The following MDGA1 variants were observed in gnomAD, a reference collection of about 807,000 sequenced individuals.
The protein encoded by MDGA1 is MAM domain containing glycosylphosphatidylinositol anchor 1.
MDGA1 carries 54 observed loss-of-function variants against 101.5 expected under a neutral mutation model. The ratio of observed to expected loss-of-function variants is 0.53; its 90% CI spans 0.43 to 0.67. MDGA1 has a LOEUF of 0.67. Among genes scored for constraint, MDGA1 ranks in the 30% least tolerant of loss-of-function variants. The probability of loss-of-function intolerance (pLI) is 0.00; values close to 1 mark genes in which losing one functional copy is unlikely to be tolerated. For synonymous variants in MDGA1, 533 were observed against 558.3 expected, an observed-to-expected ratio of 0.95 and a Z score of 0.64; for missense variants, 1,083 against 1,323.8, an observed-to-expected ratio of 0.82 and a Z score of 2.82.
chr6:37,644,126 AC>A (rs146272501), intron 13 of MDGA1, among the ~76,000 whole-genome samples, 183 bp from the exon 14 acceptor site: 256 of 22,236 alleles, frequency 0.012, 2 homozygotes, highest in South Asian at 0.035. Context: ...ATCCTGCCTC[AC>A]CCCCACGCAT....
chr6:37,640,158 T>C (rs996664687), intron 14 of MDGA1, among the ~76,000 whole-genome samples: 3 of 151,606 alleles, frequency 2.0e-5, no homozygotes, highest in Non-Finnish European at 2.9e-5. Context: ...CTGGAGGAGG[T>C]GGTGTTTTTG....
chr6:37,664,952 C>T (rs1190389080), intron 1 of MDGA1, among the ~76,000 whole-genome samples: 1 of 136,774 alleles, frequency 7.3e-6, no homozygotes, highest in Non-Finnish European at 1.6e-5. Flanking sequence ...TTTTTCATTG[C>T]TCTCTGAGCC....
At chr6:37,665,188 A>G (rs1195260128) in intron 1 of MDGA1, among the ~76,000 whole-genome samples, 1 of 152,120 alleles carries the variant, frequency 6.6e-6, no homozygotes, top group Non-Finnish European at 1.5e-5. Context: ...ATCGTCCTAA[A>G]GGCAAACCAG....
At chr6:37,659,427 TTATTAA>T (rs562001773) in intron 2 of MDGA1, among the ~76,000 whole-genome samples, 17 of 152,208 alleles carry the variant, frequency 1.1e-4, no homozygotes, top group African/African-American at 3.4e-4. Flanking sequence ...ATTTCTATTA[TTATTAA>T]TATTGTCTTA....
rs1037676504 is a variant in MDGA1 at position 37,652,090 on chromosome 6, G to A, written c.1233C>T (p.Gly411=). 2.5e-6 allele frequency: 4 copies of A among 1,613,596 alleles called. No individual in the cohort carries two copies. The highest frequency in any genetic ancestry group is 1.3e-5 in the African/African-American group (1 of 75,072). Reference sequence around the variant, plus strand: ...GGAAAGAAGCCATGCACAGGTAGGTGCCATAGTCACTGAAGTGCAGGTCAA... The same window carrying A: ...GGAAAGAAGCCATGCACAGGTAGGTACCATAGTCACTGAAGTGCAGGTCAA... ...ELIDLHFSDY[G]TYLCMASFPG... is the part of the protein sequence containing the mutation. Residue 411 remains glycine (G), a synonymous_variant, in exon 7 of 17, where the codon GGC becomes GGT. Transcript: ENST00000434837. The surrounding 1 kb of genome is among the most constrained non-coding windows in gnomAD (Gnocchi z 4.3).
At position 37,638,601 on chromosome 6, in the gene MDGA1, C is replaced by T. The variant is rs1026135196; in HGVS notation, c.2603G>A (p.Ser868Asn). The T allele has an allele frequency of 6.2e-7, 1 of 1,614,024 alleles. No homozygotes were observed. Among genetic ancestry groups the T allele is most frequent in the African/African-American group, 1.3e-5 (1 of 75,064 alleles). ...CTGCCACACATTGCCCTTATTGCCA[C>T]TGAGAGACCAGGCGTGCGTGTCCAG... ...GALDTHAWSL[S>N]GNKGNVWQQA... The change falls in exon 15 of 17, where the codon AGT becomes AAT. Residue 868 changes from serine to asparagine, a missense_variant. Coordinates refer to ENST00000434837, the MANE Select transcript of MDGA1 (RefSeq NM_153487.4). The surrounding 1 kb of genome is among the most constrained non-coding windows in gnomAD (Gnocchi z 4.8).
At chr6:37,674,932 C>T (rs959198173) in intron 1 of MDGA1, among the ~76,000 whole-genome samples, 2 of 152,202 alleles carry the variant, frequency 1.3e-5, no homozygotes, top group Non-Finnish European at 2.9e-5. Context: ...TGGCAGGCGC[C>T]TGTAATCCCA....
chr6:37,654,658 G>A (rs1761441483), intron 5 of MDGA1, 115 bp from the exon 6 acceptor site: 2 of 1,547,854 alleles, frequency 1.3e-6, no homozygotes, highest in South Asian at 2.3e-5. Context: ...GAGATGAGAG[G>A]GGAGAAGACG....
chr6:37,652,228 C>A lies in MDGA1; in HGVS notation c.1095G>T (p.Glu365Asp). The change falls in exon 7 of 17, where the codon GAG (glutamate) becomes GAT (aspartate). Residue 365 changes from glutamate (E) to aspartate (D), a missense_variant. Physicochemically the swap from Glu to Asp is conservative, Grantham distance 45. Transcript: ENST00000434837. The surrounding 1 kb of genome is among the most constrained non-coding windows in gnomAD (Gnocchi z 4.3). ...LSCHVDAVPQEKVTYQWFKNG... is the reference protein window; with the variant it reads ...LSCHVDAVPQDKVTYQWFKNG... ...TCTTGAACCACTGGTAGGTCACCTT[C>A]TCCTGGGGCACTGCATCCACGTGGC... The A allele has an allele frequency of 6.2e-7, 1 of 1,614,046 alleles. No individual in the cohort carries two copies. Among genetic ancestry groups the A allele is most frequent in the Non-Finnish European group, 8.5e-7 (1 of 1,179,900 alleles).
At position 37,649,025 on chromosome 6, in the gene MDGA1, G is replaced by T. The variant is rs1761287366; in HGVS notation, c.1851C>A (p.Val617=). ...RDSSGSYECS[V]SNDVGSAACL... ...AGGCAGCCGAGCCCACATCGTTGGA[G>T]ACGCTGCACTCGTAGCTGCCGCTGC... is the stretch of plus-strand genomic sequence containing the variant. The change falls in exon 9 of 17, where the codon GTC becomes GTA. Residue 617 remains valine, a synonymous_variant. Transcript: ENST00000434837. The T allele has an allele frequency of 5.2e-6, 8 of 1,550,776 alleles. No homozygotes were observed. Among genetic ancestry groups the T allele is most frequent in the Non-Finnish European group, 7.0e-6 (8 of 1,148,496 alleles).
At position 37,638,674 on chromosome 6, in the gene MDGA1, T is replaced by G. The variant is rs1401707151; in HGVS notation, c.2537-7A>C. Reference sequence around the variant, plus strand: ...ACCAGGAGGTTGAGGGAGCCTGCGGTGGGTGTGAAGACAGTGGGCAGTGAG... The same window carrying G: ...ACCAGGAGGTTGAGGGAGCCTGCGGGGGGTGTGAAGACAGTGGGCAGTGAG... On this transcript the variant is annotated splice_region_variant and splice_polypyrimidine_tract_variant and intron_variant, in intron 14 of 16. Transcript: ENST00000434837. This position sits in a 1 kb window ranked among gnomAD's most constrained non-coding sequence, Gnocchi z 4.8. 6.2e-7 allele frequency: 1 copy of G among 1,610,616 alleles called. No individual in the cohort carries two copies. The highest frequency in any genetic ancestry group is 8.5e-7 in the Non-Finnish European group (1 of 1,178,432).
chr6:37,658,412 CACCG>C lies in MDGA1; in HGVS notation c.211_214del (p.Arg71GlyfsTer63). On this transcript the variant is annotated frameshift_variant, in exon 3 of 17. Transcript: ENST00000434837. LOFTEE classifies it high-confidence loss of function. ...CGAGGCGCTACCTGCCGTCTTGGTC[CACCG>C]TACCTGGGCCGCCAGGCGGGGCAGA... 6.2e-7 allele frequency: 1 copy of C among 1,607,862 alleles called. No homozygotes were observed.
chr6:37,688,448 G>A (rs1762243678), intron 1 of MDGA1, among the ~76,000 whole-genome samples: 1 of 152,172 alleles, frequency 6.6e-6, no homozygotes, highest in South Asian at 2.1e-4. Flanking sequence ...AGAGCCTGGG[G>A]TGGAATCTTC....
chr6:37,682,336 T>C (rs1308790540), intron 1 of MDGA1, among the ~76,000 whole-genome samples: 1 of 152,038 alleles, frequency 6.6e-6, no homozygotes, highest in Non-Finnish European at 1.5e-5. Flanking sequence ...AATACAAAAT[T>C]AGCTGGGCGT....
chr6:37,648,877 G>T, intron 9 of MDGA1, 105 bp downstream of exon 9: 1 of 1,439,538 alleles, frequency 6.9e-7, no homozygotes, highest in Non-Finnish European at 9.1e-7. Context: ...GGCTTCAAGG[G>T]GGCCAGCAGG....
chr6:37,676,848 G>T (rs943923484), intron 1 of MDGA1, among the ~76,000 whole-genome samples: 3 of 147,942 alleles, frequency 2.0e-5, no homozygotes, highest in African/African-American at 7.5e-5. Context: ...AGTGAGCTGA[G>T]ATTGTGCCAT....
chr6:37,690,980 T>A (rs1464945135), intron 1 of MDGA1, among the ~76,000 whole-genome samples: 2 of 152,108 alleles, frequency 1.3e-5, no homozygotes, highest in Non-Finnish European at 2.9e-5. Flanking sequence ...AATGCTCTCT[T>A]TTCCACAAGG....
Position 37,696,707 on chromosome 6 carries a change from G to A in MDGA1, c.67+38C>T. On this transcript the variant is annotated intron_variant, in intron 1 of 16. Coordinates refer to ENST00000434837, the MANE Select transcript of MDGA1 (RefSeq NM_153487.4). The surrounding 1 kb of genome is among the most constrained non-coding windows in gnomAD (Gnocchi z 5.6). The stretch of plus-strand genomic sequence containing the variant: ...TGCGCCTCTTGCAAAGTTTCCGCGC[G>A]AGGTTAAGCCAAGGTGGAGCGGGAC... 3 of 1,549,892 alleles carry A rather than the reference G, an allele frequency of 1.9e-6. No homozygotes were observed. Among genetic ancestry groups the A allele is most frequent in the Non-Finnish European group, 2.6e-6 (3 of 1,142,856 alleles).
At chr6:37,673,070 T>C (rs1761903964) in intron 1 of MDGA1, among the ~76,000 whole-genome samples, 2 of 152,144 alleles carry the variant, frequency 1.3e-5, no homozygotes, top group South Asian at 4.1e-4. Context: ...AAGCCTACTA[T>C]GGTTCGGACT....
Sources: allele counts gnomAD v4.1 joint callset (sites outside exome capture counted in the v4.1 genomes callset), GRCh38; gene constraint gnomAD v4.1.1; non-coding constraint Gnocchi (gnomAD v3.1); transcripts MANE v1.5; gene names NCBI Gene and HGNC (gene_info 2026-07-23, HGNC 2026-07-21).